Variants in ZNF100 observed in about 807,000 individuals in gnomAD.
ZNF100 encodes the protein zinc finger protein 100.
A neutral mutation model predicts 15.8 loss-of-function variants in ZNF100; 12 were observed. The ratio of observed to expected loss-of-function variants is 0.76; its 90% CI spans 0.49 to 1.23. The LOEUF is 1.23. Among genes scored for constraint, ZNF100 ranks in the 50% most tolerant of loss-of-function variants. The pLI, the probability that ZNF100 is intolerant of heterozygous loss-of-function variation, is 0.00. For synonymous variants in ZNF100, 226 were observed against 214.8 expected (o/e 1.05, Z -0.45); for missense variants, 670 against 635.6 (o/e 1.05, Z -0.58).
chr19:21,756,259 A>G (rs2036391853), intron 2 of ZNF100, among the ~76,000 whole-genome samples: 1 of 152,208 alleles, frequency 6.6e-6, no homozygotes, highest in Non-Finnish European at 1.5e-5. Flanking sequence ...CAGCCAACAT[A>G]CTAAATGGAC....
chr19:21,759,326 G>A (rs1004660688), intron 2 of ZNF100, among the ~76,000 whole-genome samples: 8 of 152,148 alleles, frequency 5.3e-5, no homozygotes, highest in African/African-American at 1.9e-4. Flanking sequence ...GGGGAAAGAT[G>A]AAACATATAG....
chr19:21,727,242 G>A lies in ZNF100; in HGVS notation c.1070C>T (p.Ser357Phe), dbSNP rs1324730158. The change falls in exon 5 of 5, where the codon TCC becomes TTC. Residue 357 changes from serine (S) to phenylalanine (F), a missense_variant. Physicochemically the swap from Ser to Phe is radical, Grantham distance 155. Transcript: ENST00000358296. ...TATCTTATGTGTAGTAAGGGTTGAG[G>A]ACTGGTTAAAGGCTTTGCCACATTC... ...CEECGKAFNQ[S>F]STLTTHKITH... is the part of the protein sequence containing the mutation. 4.3e-6 allele frequency: 7 copies of A among 1,613,476 alleles called. 1 individual carries two copies. Among genetic ancestry groups the A allele is most frequent in the Middle Eastern group, 1.7e-4 (1 of 6,060 alleles).
chr19:21,728,710 A>G (rs2035859858), intron 4 of ZNF100, among the ~76,000 whole-genome samples: 3 of 152,086 alleles, frequency 2.0e-5, no homozygotes, highest in Admixed American at 2.0e-4. Context: ...GCCTTTTTTA[A>G]TGTCCAAATT....
In ZNF100 at chr19:21,726,650, G is replaced by A. The variant is rs745592612; in HGVS notation, c.*33C>T. On this transcript the variant is annotated 3_prime_UTR_variant, in exon 5 of 5. Coordinates refer to ENST00000358296, the MANE Select transcript of ZNF100 (RefSeq NM_173531.4). ...ATGAATTTTTTTATGTTTAGTAAGA[G>A]TTGAGGACTGGTAAAAGGCTTTGCC... 2.5e-6 allele frequency: 4 copies of A among 1,573,778 alleles called. No homozygotes were observed. The highest frequency in any genetic ancestry group is 1.2e-5 in the South Asian group (1 of 84,626).
rs901772214 is a variant in ZNF100 at position 21,723,196 on chromosome 19, T to TA, written c.*3486dup. ...GTGAAACTTCGTCTCTACAAAAAAT[T>TA]AAAAAAAAAAAAATTCAGCCAGATG... On this transcript the variant is annotated 3_prime_UTR_variant, in exon 5 of 5. Transcript: ENST00000358296. 0.014 allele frequency: 1,968 copies of TA among 140,054 alleles called. 15 individuals carry two copies. Among genetic ancestry groups the TA allele is most frequent in the Middle Eastern group, 0.023 (6 of 266 alleles). The allele number at this position is 140,054 out of a possible 1,614,324, so 8.7% of individuals were successfully genotyped here. A position where few individuals can be genotyped will look rare whatever the true frequency, so the allele number is the denominator to read the frequency against.
At position 21,727,398 on chromosome 19, in the gene ZNF100, GT is replaced by G; in HGVS notation, c.913del (p.Thr305LeufsTer10). 6.2e-7 allele frequency: 1 copy of G among 1,612,904 alleles called. No homozygotes were observed. On this transcript the variant is annotated frameshift_variant, in exon 5 of 5. Transcript: ENST00000358296. LOFTEE classifies it low-confidence loss of function (END_TRUNC). ...GKAFNRSSHLTTHKRIHTGVK... is the reference protein window; with the variant it reads ...GKAFNRSSHLXTHKRIHTGVK... ...TCCAGTATGAATTCTTTTATGTGTA[GT>G]AAGGTGTGAAGACCGGTTAAAAGCT...
At chr19:21,731,302 C>CTTTTTTTTTTTTTTTTTTTTT (rs1052854047) in intron 4 of ZNF100, among the ~76,000 whole-genome samples, 1 of 139,632 alleles carries the variant, frequency 7.2e-6, no homozygotes, top group Non-Finnish European at 1.5e-5. Flanking sequence ...TTTTTCTTTC[C>CTTTTTTTTTTTTTTTTTTTTT]TTTTTTTTTT....
Position 21,727,480 on chromosome 19 carries a change from T to C in ZNF100, c.832A>G (p.Thr278Ala). 6.2e-6 allele frequency: 10 copies of C among 1,613,456 alleles called. No homozygotes were observed. Among genetic ancestry groups the C allele is most frequent in the East Asian group, 2.2e-5 (1 of 44,850 alleles). ...TCTCCAGTATGAATTATCTTATGTG[T>C]AGTAAGGTGTGAGGACCGGTTAAAT... ...KAFNRSSHLT[T>A]HKIIHTGEKP... Residue 278 changes from threonine (T) to alanine (A), a missense_variant, in exon 5 of 5, where the codon ACA becomes GCA. Transcript: ENST00000358296.
intron 3 of ZNF100, 65 bp downstream of exon 3, chr19:21,744,876 T>C: frequency 6.3e-7 from 1 of 1,578,402 alleles, no homozygotes; most frequent in Non-Finnish European, 8.5e-7. Flanking sequence ...TTACCAAAAA[T>C]CATTCCACAA....
At chr19:21,753,370 T>G (rs2036341620) in intron 2 of ZNF100, 1 of 152,122 alleles carries the variant, frequency 6.6e-6, no homozygotes, top group Non-Finnish European at 1.5e-5. Flanking sequence ...GCGCAGCAGT[T>G]CAAGACCAGT....
At chr19:21,753,839 A>G (rs2036349215) in intron 2 of ZNF100, among the ~76,000 whole-genome samples, 1 of 152,184 alleles carries the variant, frequency 6.6e-6, no homozygotes, top group Non-Finnish European at 1.5e-5. Flanking sequence ...TAATGATAGA[A>G]GGTGATATGA....
intron 2 of ZNF100, among the ~76,000 whole-genome samples, chr19:21,745,746 T>C (rs2036202347): frequency 6.6e-6 from 1 of 151,998 alleles, no homozygotes. Flanking sequence ...ATGGTCTCGA[T>C]CTCCTGACCT....
At chr19:21,728,343 A>G (rs542548245) in intron 4 of ZNF100, among the ~76,000 whole-genome samples, 5 of 152,058 alleles carry the variant, frequency 3.3e-5, no homozygotes, top group Admixed American at 6.6e-5. Flanking sequence ...ATACTGGCAC[A>G]TTTATCTTTA....
chr19:21,756,032 G>A (rs2036388436), intron 2 of ZNF100, among the ~76,000 whole-genome samples: 1 of 152,090 alleles, frequency 6.6e-6, no homozygotes, highest in Admixed American at 6.6e-5. Context: ...TGTTCTGCAA[G>A]TGTATCTCCC....
At chr19:21,765,824 G>A in intron 1 of ZNF100, 38 bp from the exon 2 acceptor site, 1 of 1,588,440 alleles carries the variant, frequency 6.3e-7, no homozygotes, top group Non-Finnish European at 8.6e-7. Flanking sequence ...ACATTCACTA[G>A]GCACTTTAGC....
rs570258120 is a variant in ZNF100, at chr19:21,757,535, T to G, written c.96+8159A>C. On this transcript the variant is annotated intron_variant, in intron 2 of 4. Coordinates refer to ENST00000358296, the MANE Select transcript of ZNF100 (RefSeq NM_173531.4). ...TGCGAGTGTAAATTAGTTCAACCATTGTGAAAAGCAGTGTGGCGATTCTTC... is the reference window on the plus strand; with the variant it reads ...TGCGAGTGTAAATTAGTTCAACCATGGTGAAAAGCAGTGTGGCGATTCTTC... 2.8e-4 allele frequency among the ~76,000 whole-genome samples: 43 copies of G among 152,328 alleles called. No homozygotes were observed. The South Asian group carries it at 8.7e-3, about 31-fold the overall frequency.
In ZNF100 at chr19:21,745,189, A is replaced by T. The variant is rs192819665; in HGVS notation, c.97-122T>A. The T allele has an allele frequency of 2.1e-6, 3 of 1,416,424 alleles. No individual in the cohort carries two copies. In the African/African-American group the frequency reaches 4.4e-5, roughly 21 times the overall value. 87.7% of individuals were successfully genotyped at this position (1,416,424 alleles called of 1,614,324 possible). A position where few individuals can be genotyped will look rare whatever the true frequency, so the allele number is the denominator to read the frequency against. On this transcript the variant is annotated intron_variant, in intron 2 of 4. Coordinates refer to ENST00000358296, the MANE Select transcript of ZNF100 (RefSeq NM_173531.4). The stretch of plus-strand genomic sequence containing the variant: ...ATTGGTTCTGATTAATAGAAATGAC[A>T]AATTTTCCAATAATTTTTAACACAG...
intron 2 of ZNF100, among the ~76,000 whole-genome samples, chr19:21,759,432 A>T (rs961405301): frequency 6.6e-6 from 1 of 152,200 alleles, no homozygotes; most frequent in Non-Finnish European, 1.5e-5. Flanking sequence ...ATTATGAATT[A>T]CACAGTGCTC....
intron 4 of ZNF100, among the ~76,000 whole-genome samples, chr19:21,740,578 A>C (rs115620407): frequency 0.023 from 3,518 of 152,274 alleles, 146 homozygotes; most frequent in African/African-American, 0.081. Flanking sequence ...TATTCGGGCC[A>C]GGTGCAGTGG....
Sources: gnomAD v4.1 joint callset for allele counts (sites outside exome capture counted in the v4.1 genomes callset) on GRCh38, gnomAD v4.1.1 for gene constraint, MANE v1.5 for transcripts, NCBI Gene and HGNC (gene_info 2026-07-23, HGNC 2026-07-21) for gene names.